SLC35F1: variants seen among roughly 807,000 people sequenced by gnomAD.
The protein encoded by SLC35F1 is solute carrier family 35 member F1.
In SLC35F1, 14 loss-of-function variants were observed where a neutral mutation model predicts 48.7. The observed-to-expected ratio is 0.29, with a 90% confidence interval of 0.19 to 0.45. The LOEUF is 0.45. SLC35F1 is among the 20% of genes least tolerant of loss of function. SLC35F1 has a pLI of 1.00. For synonymous variants in SLC35F1, 190 were observed against 202.2 expected (o/e 0.94, Z 0.51); for missense variants, 404 against 500.0 (o/e 0.81, Z 1.83).
intron 2 of SLC35F1, among the ~76,000 whole-genome samples, chr6:118,223,505 C>T (rs1775178005): frequency 6.6e-6 from 1 of 152,168 alleles, no homozygotes; most frequent in Admixed American, 6.5e-5. Flanking sequence ...CTCTCTGGCT[C>T]CATGCTCTTA....
At chr6:117,972,314 C>T (rs772251266) in intron 1 of SLC35F1, among the ~76,000 whole-genome samples, 6 of 152,188 alleles carry the variant, frequency 3.9e-5, no homozygotes, top group Non-Finnish European at 8.8e-5. Context: ...CAACAAGTCT[C>T]TAGGAAGTTC....
intron 7 of SLC35F1, among the ~76,000 whole-genome samples, chr6:118,291,091 C>T (rs771406754): frequency 6.6e-5 from 10 of 152,070 alleles, no homozygotes; most frequent in Admixed American, 2.6e-4. Context: ...CCATGCCCAG[C>T]CAGAAAATTG....
chr6:118,018,370 C>CG (rs1266687212), intron 1 of SLC35F1, among the ~76,000 whole-genome samples: 3 of 148,452 alleles, frequency 2.0e-5, no homozygotes, highest in Non-Finnish European at 4.4e-5. Flanking sequence ...GACTCTGTCT[C>CG]GGAAAAAAAA....
chr6:118,204,797 A>C (rs907800170), intron 2 of SLC35F1, among the ~76,000 whole-genome samples: 18 of 152,328 alleles, frequency 1.2e-4, no homozygotes, highest in African/African-American at 4.3e-4. Context: ...CCATCCCCAT[A>C]ACCTCTATTA....
intron 2 of SLC35F1, among the ~76,000 whole-genome samples, chr6:118,212,744 AAGG>A (rs1170603880): frequency 6.6e-4 from 78 of 118,068 alleles, no homozygotes; most frequent in African/African-American, 2.8e-3. Flanking sequence ...GGAAGGAAGG[AAGG>A]AAGGAAGGAA....
chr6:118,112,176 T>G (rs984712630), intron 1 of SLC35F1, among the ~76,000 whole-genome samples: 1 of 151,374 alleles, frequency 6.6e-6, no homozygotes, highest in Non-Finnish European at 1.5e-5. Flanking sequence ...GTCACCAGGC[T>G]GGAGTGCAGT....
rs559239173 is a variant in SLC35F1, at chr6:118,014,289, A to C, written c.173+106390A>C. Among the ~76,000 whole-genome samples the C allele has an allele frequency of 2.0e-5, 3 of 152,294 alleles. No homozygotes were observed. In the South Asian group the frequency reaches 6.2e-4, roughly 32 times the overall value. ...TGTATATTGTAGTTTGTAGGCTCTC[A>C]AGATTCAGGAAAGGTTGTTCTCTTC... On this transcript the variant is annotated intron_variant, in intron 1 of 7. Transcript: ENST00000360388.
At chr6:118,263,905 T>C (rs778683529) in intron 3 of SLC35F1, among the ~76,000 whole-genome samples, 2 of 152,232 alleles carry the variant, frequency 1.3e-5, no homozygotes, top group Non-Finnish European at 2.9e-5. Flanking sequence ...ACAGTTTCTC[T>C]TCAACAGTTA....
intron 1 of SLC35F1, among the ~76,000 whole-genome samples, chr6:118,041,672 C>T (rs998466120): frequency 4.6e-5 from 7 of 152,028 alleles, no homozygotes; most frequent in African/African-American, 1.7e-4. Flanking sequence ...GAGAAAGGCC[C>T]CTTTGACAGA....
At chr6:118,035,931 ATCCGCCCGCC>A (rs1291441782) in intron 1 of SLC35F1, among the ~76,000 whole-genome samples, 4 of 151,938 alleles carry the variant, frequency 2.6e-5, no homozygotes, top group Admixed American at 1.3e-4. Flanking sequence ...TGACCTCATG[ATCCGCCCGCC>A]TCGGCCTCCC....
chr6:118,281,204 C>CTATATATATATA (rs1554244292), intron 6 of SLC35F1, among the ~76,000 whole-genome samples: 21 of 130,482 alleles, frequency 1.6e-4, no homozygotes, highest in South Asian at 5.4e-4. Flanking sequence ...CTCTCTCTCT[C>CTATATATATATA]TATATATATA....
chr6:118,042,800 C>T (rs1403379114), intron 1 of SLC35F1, among the ~76,000 whole-genome samples: 1 of 152,088 alleles, frequency 6.6e-6, no homozygotes, highest in Non-Finnish European at 1.5e-5. Flanking sequence ...GCCTTAGAAG[C>T]TACCAGTATT....
At chr6:117,997,179 G>A (rs1305142304) in intron 1 of SLC35F1, among the ~76,000 whole-genome samples, 2 of 152,024 alleles carry the variant, frequency 1.3e-5, no homozygotes, top group African/African-American at 4.8e-5. Flanking sequence ...TATCAGTGAT[G>A]GAAGATGAAA....
chr6:118,057,793 G>C lies in SLC35F1; in HGVS notation c.174-96652G>C, dbSNP rs144294142. Reference sequence around the variant, plus strand: ...TGTGATTTTTCATAGGAAAATCTTTGAGAAATGAAGACAACTAGTTACTAG... The same window carrying C: ...TGTGATTTTTCATAGGAAAATCTTTCAGAAATGAAGACAACTAGTTACTAG... On this transcript the variant is annotated intron_variant, in intron 1 of 7. Coordinates refer to ENST00000360388, the MANE Select transcript of SLC35F1 (RefSeq NM_001029858.4). 6.6e-5 allele frequency among the ~76,000 whole-genome samples: 10 copies of C among 152,302 alleles called. No homozygotes were observed. In the East Asian group the frequency reaches 1.9e-3, roughly 29 times the overall value.
intron 2 of SLC35F1, among the ~76,000 whole-genome samples, chr6:118,181,069 TA>T (rs543084349): frequency 6.6e-6 from 1 of 152,080 alleles, no homozygotes; most frequent in Admixed American, 6.6e-5. Context: ...AATTATCCTT[TA>T]AAAAAGAGGG....
chr6:118,143,125 G>A (rs1462421569), intron 1 of SLC35F1, among the ~76,000 whole-genome samples: 1 of 152,114 alleles, frequency 6.6e-6, no homozygotes, highest in East Asian at 1.9e-4. Context: ...GCATAAAAAT[G>A]TAGTAAATAA....
At chr6:118,304,009 G>T (rs1315515862) in intron 7 of SLC35F1, among the ~76,000 whole-genome samples, 1 of 152,142 alleles carries the variant, frequency 6.6e-6, no homozygotes, top group African/African-American at 2.4e-5. Flanking sequence ...TCCAAATATT[G>T]TAATGTGTAT....
chr6:118,166,264 G>C (rs1221943165), intron 2 of SLC35F1, among the ~76,000 whole-genome samples: 1 of 152,156 alleles, frequency 6.6e-6, no homozygotes, highest in Non-Finnish European at 1.5e-5. Flanking sequence ...TATCATTTGA[G>C]AAGGGGAGAA....
intron 1 of SLC35F1, among the ~76,000 whole-genome samples, chr6:118,067,594 A>G (rs1004078385): frequency 1.3e-5 from 2 of 152,196 alleles, no homozygotes. Flanking sequence ...CAAGAGGGGT[A>G]ATGGTTAATA....
Sources: gnomAD v4.1 joint callset for allele counts (sites outside exome capture counted in the v4.1 genomes callset) on GRCh38, gnomAD v4.1.1 for gene constraint, MANE v1.5 for transcripts, NCBI Gene and HGNC (gene_info 2026-07-23, HGNC 2026-07-21) for gene names.